The following HM13 variants were observed in gnomAD, a reference collection of about 807,000 sequenced individuals.
HM13 encodes signal peptide peptidase.
HM13 carries 18 observed loss-of-function variants against 50.0 expected under a neutral mutation model. The ratio of observed to expected loss-of-function variants is 0.36; its 90% CI spans 0.25 to 0.53. The LOEUF (loss-of-function observed/expected upper bound fraction) is 0.53, where lower values mean the gene tolerates loss of function less well. Ranked by LOEUF, HM13 falls within the 20% of genes least tolerant of loss-of-function variation. The probability of loss-of-function intolerance (pLI) is 0.90; values close to 1 mark genes in which losing one functional copy is unlikely to be tolerated. For missense variants in HM13, 393 were observed against 552.4 expected, an observed-to-expected ratio of 0.71 and a Z score of 2.89; for synonymous variants, 197 against 232.6, an observed-to-expected ratio of 0.85 and a Z score of 1.39.
intron 8 of HM13, 49 bp downstream of exon 8, chr20:31,554,878 C>CCCCTTGCTCCGGGGAATA: frequency 6.9e-7 from 1 of 1,446,892 alleles, no homozygotes; most frequent in Non-Finnish European, 9.7e-7. Context: ...AGAGGGTATT[C>CCCCTTGCTCCGGGGAATA]CCCGGAGCAA....
intron 8 of HM13, among the ~76,000 whole-genome samples, chr20:31,556,155 C>T (rs1984305308): frequency 6.6e-6 from 1 of 151,340 alleles, no homozygotes; most frequent in Non-Finnish European, 1.5e-5. Flanking sequence ...TCTCCTGCCT[C>T]AGCCTCCCAA....
intron 7 of HM13, among the ~76,000 whole-genome samples, chr20:31,553,154 G>A (rs1290513632): frequency 6.7e-6 from 1 of 150,064 alleles, no homozygotes; most frequent in Non-Finnish European, 1.5e-5. Context: ...AAATTAGCCA[G>A]GCATGGTGGC....
intron 2 of HM13, among the ~76,000 whole-genome samples, chr20:31,528,642 C>CAAATTTACAAAAA (rs1188639961): frequency 6.6e-6 from 1 of 152,226 alleles, no homozygotes; most frequent in Non-Finnish European, 1.5e-5. Context: ...CCACGCCCAG[C>CAAATTTACAAAAA]TAATTTTTGT....
chr20:31,565,165 CAAAA>C (rs983329719), intron 10 of HM13, among the ~76,000 whole-genome samples: 6 of 78,016 alleles, frequency 7.7e-5, no homozygotes, highest in African/African-American at 8.8e-5. Context: ...GACTCCATCT[CAAAA>C]AAAAAAAAAA....
chr20:31,537,650 C>T (rs1983190236), intron 2 of HM13, among the ~76,000 whole-genome samples: 1 of 152,170 alleles, frequency 6.6e-6, no homozygotes, highest in Admixed American at 6.5e-5. Context: ...CAAGAAGCAG[C>T]TGTCAGGGAT....
chr20:31,514,608 C>G lies in HM13; in HGVS notation c.57C>G (p.Thr19=). 7.5e-6 allele frequency: 12 copies of G among 1,599,858 alleles called. No individual in the cohort carries two copies. Among genetic ancestry groups the G allele is most frequent in the Non-Finnish European group, 1.0e-5 (12 of 1,174,958 alleles). The part of the protein sequence containing the change: ...HNGSAEAGGP[T]NSTTRPPSTP... ...GCAGTGCCGAGGCAGGCGGCCCCACCAACAGCACTACGCGGCCGCCTTCCA... is the reference window on the plus strand; with the variant it reads ...GCAGTGCCGAGGCAGGCGGCCCCACGAACAGCACTACGCGGCCGCCTTCCA... Residue 19 remains threonine (T), a synonymous_variant, in exon 1 of 13, where the codon ACC becomes ACG. Transcript: ENST00000398174. The surrounding 1 kb of genome is among the most constrained non-coding windows in gnomAD (Gnocchi z 4.3).
At position 31,558,584 on chromosome 20, in the gene HM13, CCTT is replaced by C. The variant is rs376419203; in HGVS notation, c.809-1023_809-1021del. Among the ~76,000 whole-genome samples, 7 of 152,298 alleles carry C rather than the reference CCTT, an allele frequency of 4.6e-5. No homozygotes were observed. In the South Asian group the frequency reaches 6.2e-4, roughly 14 times the overall value. On this transcript the variant is annotated intron_variant, in intron 8 of 12. Transcript: ENST00000398174. ...GCGTGTGGCATTTCCAAGAAGCCTT[CCTT>C]CTTTCCCCTCCTTCACCCCTGCCCA...
In HM13 at chr20:31,550,057, CT is replaced by C. The variant is rs1983950530; in HGVS notation, c.667-5del. On this transcript the variant is annotated splice_region_variant and splice_polypyrimidine_tract_variant and intron_variant, in intron 6 of 12. Transcript: ENST00000398174. The stretch of plus-strand genomic sequence containing the variant: ...CCCTTCATACTGCTCTTTTTTTCTC[CT>C]TCTAGGTATTTGGCACCAATGTGAT... The C allele has an allele frequency of 1.2e-6, 2 of 1,612,518 alleles. No homozygotes were observed. The highest frequency in any genetic ancestry group is 8.5e-7 in the Non-Finnish European group (1 of 1,178,650).
intron 8 of HM13, among the ~76,000 whole-genome samples, chr20:31,559,375 G>A (rs1984486199): frequency 6.6e-6 from 1 of 152,192 alleles, no homozygotes; most frequent in Non-Finnish European, 1.5e-5. Flanking sequence ...ATAGTATGAT[G>A]CGGTGAGGTG....
intron 8 of HM13, 87 bp downstream of exon 8, chr20:31,554,916 A>T: frequency 9.1e-7 from 1 of 1,102,236 alleles, no homozygotes; most frequent in Non-Finnish European, 1.4e-6. Context: ...AGACAGGCTT[A>T]CCAGCTGAGA....
intron 8 of HM13, 36 bp downstream of exon 8, chr20:31,554,865 T>C: frequency 6.6e-7 from 1 of 1,517,678 alleles, no homozygotes; most frequent in African/African-American, 1.4e-5. Flanking sequence ...GTGAAAGGGG[T>C]GGAGAGGGTA....
intron 10 of HM13, among the ~76,000 whole-genome samples, chr20:31,564,377 G>C (rs1430393516): frequency 6.6e-6 from 1 of 152,046 alleles, no homozygotes; most frequent in Non-Finnish European, 1.5e-5. Flanking sequence ...AGGAGTTCAA[G>C]ACCAGCCTGG....
At position 31,536,442 on chromosome 20, in the gene HM13, C is replaced by G. The variant is rs577635994; in HGVS notation, c.283-1737C>G. On this transcript the variant is annotated intron_variant, in intron 2 of 12. Coordinates refer to ENST00000398174, the MANE Select transcript of HM13 (RefSeq NM_178581.3). ...ATCACTTCCCCTCCATCCCCCCAAG[C>G]CAGGGCACCGTCCCCCTCTCCTGCT... 7.0e-4 allele frequency among the ~76,000 whole-genome samples: 107 copies of G among 152,206 alleles called. 1 individual carries two copies. In the East Asian group the frequency reaches 0.015, roughly 22 times the overall value.
rs1983856033 is a variant in HM13, at chr20:31,548,709, C to G, written c.455-320C>G. The G allele has an allele frequency of 7.6e-6, 3 of 397,032 alleles. No homozygotes were observed. The Admixed American group carries it at 1.1e-4, about 15-fold the overall frequency. 24.6% of individuals were successfully genotyped at this position (397,032 alleles called of 1,614,324 possible). On this transcript the variant is annotated intron_variant, in intron 4 of 12. Transcript: ENST00000398174. Reference sequence around the variant, plus strand: ...AACTGAAGCTCAGAGAGGGCACTGCCTTCCCCAAGGTCACCCAGCTACAAG... The same window carrying G: ...AACTGAAGCTCAGAGAGGGCACTGCGTTCCCCAAGGTCACCCAGCTACAAG...
intron 10 of HM13, 67 bp from the exon 11 acceptor site, chr20:31,566,143 G>A: frequency 4.1e-6 from 5 of 1,205,316 alleles, no homozygotes; most frequent in Non-Finnish European, 4.8e-6. Context: ...GGGGTTTGGG[G>A]TGCTGGGCAC....
intron 4 of HM13, among the ~76,000 whole-genome samples, chr20:31,546,015 A>G (rs4911156): frequency 0.7 from 104,370 of 149,114 alleles, 38,083 homozygotes; most frequent in African/African-American, 0.93. Flanking sequence ...TTTCTCTTGT[A>G]TACAATACTG....
rs924804384 is a variant in HM13, at chr20:31,549,222, A to G, written c.556A>G (p.Asn186Asp). Residue 186 changes from asparagine (N) to aspartate (D), a missense_variant, in exon 6 of 13, where the codon AAC becomes GAC. By Grantham distance (23) the Asn-to-Asp change is conservative. This residue lies in a region of HM13 where 214 missense variants were observed against 276.1 expected (regional missense o/e 0.77). Transcript: ENST00000398174. ...YLLRKHWIAN[N>D]LFGLAFSLNG... is the part of the protein sequence containing the mutation. The stretch of plus-strand genomic sequence containing the variant: ...CTTTCCTCAGCACTGGATTGCCAAC[A>G]ACCTTTTTGGCCTGGCCTTCTCCCT... 1.2e-5 allele frequency: 19 copies of G among 1,614,046 alleles called. No homozygotes were observed. The highest frequency in any genetic ancestry group is 1.5e-5 in the Non-Finnish European group (18 of 1,180,026).
chr20:31,515,264 T>G (rs1981704285), intron 1 of HM13, among the ~76,000 whole-genome samples: 1 of 152,204 alleles, frequency 6.6e-6, no homozygotes, highest in African/African-American at 2.4e-5. Context: ...TGGCACCTTA[T>G]GTGCTCACCT....
chr20:31,558,253 C>G (rs1009452848), intron 8 of HM13, among the ~76,000 whole-genome samples: 3 of 152,220 alleles, frequency 2.0e-5, no homozygotes, highest in African/African-American at 7.2e-5. Flanking sequence ...TAACCCTCTC[C>G]TGTGCTCCTG....
Sources: allele counts gnomAD v4.1 joint callset (sites outside exome capture counted in the v4.1 genomes callset), GRCh38; gene constraint gnomAD v4.1.1; regional missense constraint gnomAD v4.1.1; non-coding constraint Gnocchi (gnomAD v3.1); transcripts MANE v1.5; gene names NCBI Gene and HGNC (gene_info 2026-07-23, HGNC 2026-07-21).